The following LHCGR variants were observed in gnomAD, a reference collection of about 807,000 sequenced individuals.
The protein encoded by LHCGR is luteinizing hormone/choriogonadotropin receptor, also known as lutropin-choriogonadotropic hormone receptor.
LHCGR carries 55 observed loss-of-function variants against 60.7 expected under a neutral mutation model. The observed-to-expected ratio is 0.91, with a 90% confidence interval of 0.73 to 1.13. The LOEUF is 1.13. Among genes scored for constraint, LHCGR ranks in the 50% most tolerant of loss-of-function variants. The pLI is 0.00. For synonymous variants in LHCGR, 337 were observed against 316.5 expected (o/e 1.06, Z -0.69); for missense variants, 862 against 836.0 (o/e 1.03, Z -0.38).
intron 8 of LHCGR, among the ~76,000 whole-genome samples, chr2:48,705,553 G>T (rs1034885924): frequency 6.6e-6 from 1 of 152,164 alleles, no homozygotes; most frequent in African/African-American, 2.4e-5. Context: ...CTAAGAACTG[G>T]CTTTATGAAT....
intron 1 of LHCGR, among the ~76,000 whole-genome samples, chr2:48,749,491 C>T (rs1669857453): frequency 6.6e-6 from 1 of 152,198 alleles, no homozygotes; most frequent in Non-Finnish European, 1.5e-5. Flanking sequence ...CTTCTCTTCA[C>T]CACTGTGACT....
intron 1 of LHCGR, among the ~76,000 whole-genome samples, chr2:48,738,228 T>C (rs574645883): frequency 1.3e-5 from 2 of 151,740 alleles, no homozygotes; most frequent in African/African-American, 4.9e-5. Flanking sequence ...TACTACACTA[T>C]TTTTTTTCCC....
intron 4 of LHCGR, among the ~76,000 whole-genome samples, chr2:48,725,308 G>C (rs1335781269): frequency 6.6e-6 from 1 of 152,172 alleles, no homozygotes; most frequent in Non-Finnish European, 1.5e-5. Context: ...AGTCAGACCA[G>C]AATTGCCACT....
intron 7 of LHCGR, among the ~76,000 whole-genome samples, chr2:48,709,450 T>A (rs7586280): frequency 0.42 from 62,949 of 151,680 alleles, 14,390 homozygotes; most frequent in African/African-American, 0.62. Flanking sequence ...TAATAGTAAT[T>A]TATTGAAGTT....
At chr2:48,755,272 C>T (rs944520614) in intron 1 of LHCGR, among the ~76,000 whole-genome samples, 1 of 152,076 alleles carries the variant, frequency 6.6e-6, no homozygotes, top group Admixed American at 6.5e-5. Context: ...ACTCCCCCGG[C>T]CACAGCCCCA....
chr2:48,695,276 G>C, intron 9 of LHCGR, among the ~76,000 whole-genome samples: 1 of 152,184 alleles, frequency 6.6e-6, no homozygotes, highest in East Asian at 1.9e-4. Flanking sequence ...TTCTTTTGCC[G>C]TGTGGAAGCT....
At chr2:48,719,298 G>T (rs1162550508) in intron 6 of LHCGR, among the ~76,000 whole-genome samples, 1 of 152,164 alleles carries the variant, frequency 6.6e-6, no homozygotes, top group African/African-American at 2.4e-5. Flanking sequence ...TGGCTGGTTA[G>T]ACACAGAGCC....
At chr2:48,751,253 AT>A (rs59520741) in intron 1 of LHCGR, among the ~76,000 whole-genome samples, 47,436 of 151,718 alleles carry the variant, frequency 0.31, 8,427 homozygotes, top group East Asian at 0.58. Flanking sequence ...ACATATTGGG[AT>A]TTTTTTTTCT....
rs1331550978 is a variant in LHCGR, at chr2:48,755,537, G to C, written c.135C>G (p.Pro45=). The C allele has an allele frequency of 8.4e-6, 13 of 1,541,362 alleles. No individual in the cohort carries two copies. The highest frequency in any genetic ancestry group is 7.9e-5 in the Admixed American group (4 of 50,734). The change falls in exon 1 of 11, where the codon CCC becomes CCG. Residue 45 remains proline (P), a synonymous_variant. Coordinates refer to ENST00000294954, the MANE Select transcript of LHCGR (RefSeq NM_000233.4). Reference sequence around the variant, plus strand: ...GTCGAGTGAGACCGGCCGTGGGGCCGGGGCAGCGCAGGGCGCCGTCGGGCA... The same window carrying C: ...GTCGAGTGAGACCGGCCGTGGGGCCCGGGCAGCGCAGGGCGCCGTCGGGCA... ...NCVPDGALRC[P]GPTAGLTRLS... is the part of the protein sequence containing the mutation.
intron 1 of LHCGR, 102 bp downstream of exon 1, chr2:48,755,409 G>A: frequency 1.3e-6 from 1 of 764,716 alleles, no homozygotes; most frequent in Non-Finnish European, 2.1e-6. Context: ...TTTTCTCCAA[G>A]CTTCCAGGGA....
At chr2:48,699,492 A>T (rs1209884334) in intron 8 of LHCGR, among the ~76,000 whole-genome samples, 1 of 152,124 alleles carries the variant, frequency 6.6e-6, no homozygotes, top group Non-Finnish European at 1.5e-5. Context: ...ATGCAGTTAC[A>T]TCAGCTTTTG....
At chr2:48,725,106 G>T (rs1668660005) in intron 4 of LHCGR, among the ~76,000 whole-genome samples, 1 of 152,116 alleles carries the variant, frequency 6.6e-6, no homozygotes, top group Admixed American at 6.6e-5. Context: ...CAATGATTGT[G>T]GCAGGCTACA....
rs1668690175 is a variant in LHCGR, at chr2:48,725,754, T to C, written c.309-4A>G. The C allele has an allele frequency of 6.2e-7, 1 of 1,606,134 alleles. No individual in the cohort carries two copies. The highest frequency in any genetic ancestry group is 8.5e-7 in the Non-Finnish European group (1 of 1,173,276). On this transcript the variant is annotated splice_region_variant and splice_polypyrimidine_tract_variant and intron_variant, in intron 3 of 10. Transcript: ENST00000294954. ...ATTTTTGGTGTTCTGGATCAGTCTG[T>C]AAAGAGAGAGGGAAAAAAAAAGCTG...
At chr2:48,709,085 A>G (rs1667851194) in intron 7 of LHCGR, 63 bp from the exon 8 acceptor site, 1 of 1,297,932 alleles carries the variant, frequency 7.7e-7, no homozygotes, top group African/African-American at 1.5e-5. Context: ...TCGTAGCTCC[A>G]TATACACATG....
intron 4 of LHCGR, 75 bp from the exon 5 acceptor site, chr2:48,723,771 A>ATTT: frequency 9.0e-7 from 1 of 1,116,100 alleles, no homozygotes; most frequent in South Asian, 1.2e-5. Context: ...TAAAGATAAA[A>ATTT]AGAGAGTACA....
rs765007082 is a variant in LHCGR at position 48,708,947 on chromosome 2, C to T, written c.680+1G>A. ...AGGGGAGGCAGCACCATTCTACTCA[C>T]AAGGTTTTCGGCCCTGTGGCCCCAC... is the stretch of plus-strand genomic sequence containing the variant. On this transcript the variant is annotated splice_donor_variant, in intron 8 of 10. Coordinates refer to ENST00000294954, the MANE Select transcript of LHCGR (RefSeq NM_000233.4). LOFTEE classifies it high-confidence loss of function. 1 of 1,613,714 alleles carries T rather than the reference C, an allele frequency of 6.2e-7. No homozygotes were observed. Among genetic ancestry groups the T allele is most frequent in the Non-Finnish European group, 8.5e-7 (1 of 1,179,666 alleles).
chr2:48,724,330 A>G (rs1421132028), intron 4 of LHCGR, among the ~76,000 whole-genome samples: 1 of 152,198 alleles, frequency 6.6e-6, no homozygotes, highest in East Asian at 1.9e-4. Context: ...GTGAAATTGA[A>G]GAGTATTTTA....
chr2:48,741,547 A>C (rs1396487779), intron 1 of LHCGR, among the ~76,000 whole-genome samples: 1 of 151,900 alleles, frequency 6.6e-6, no homozygotes, highest in Non-Finnish European at 1.5e-5. Context: ...CCACATTCTT[A>C]AAGAAAAGAA....
chr2:48,751,544 C>A (rs1005633119), intron 1 of LHCGR, among the ~76,000 whole-genome samples: 4 of 152,152 alleles, frequency 2.6e-5, no homozygotes, highest in Non-Finnish European at 1.5e-5. Flanking sequence ...TGTTGTCTTT[C>A]TCTCTACACC....
Sources: allele counts gnomAD v4.1 joint callset (sites outside exome capture counted in the v4.1 genomes callset), GRCh38; gene constraint gnomAD v4.1.1; transcripts MANE v1.5; gene names NCBI Gene and HGNC (gene_info 2026-07-23, HGNC 2026-07-21).